Variants in GFM2 observed in about 807,000 individuals in gnomAD.
GFM2 encodes GTP dependent ribosome recycling factor mitochondrial 2, also known as ribosome-releasing factor 2, mitochondrial.
Under a neutral mutation model 95.4 loss-of-function variants are expected in GFM2, and 72 were observed. The observed-to-expected ratio is 0.76, with a 90% CI of 0.62 to 0.92. GFM2 has a LOEUF of 0.92. Ranked by LOEUF, GFM2 falls within the 40% of genes least tolerant of loss-of-function variation. The pLI, the probability that GFM2 is intolerant of heterozygous loss-of-function variation, is 0.00. For missense variants in GFM2, 825 were observed against 924.1 expected (o/e 0.89, Z 1.39); for synonymous variants, 276 against 317.5 (o/e 0.87, Z 1.39).
At chr5:74,763,891 T>C (rs1744410455) in intron 1 of GFM2, 125 bp from the exon 2 acceptor site, 2 of 517,398 alleles carry the variant, frequency 3.9e-6, no homozygotes, top group Admixed American at 3.3e-5. Flanking sequence ...GTTGGAACAA[T>C]ATTTTTAGCT....
chr5:74,744,614 C>T (rs1047870804), intron 10 of GFM2, among the ~76,000 whole-genome samples: 1 of 152,100 alleles, frequency 6.6e-6, no homozygotes, highest in Non-Finnish European at 1.5e-5. Context: ...AGGCCCAGAG[C>T]TATATACCAA....
chr5:74,738,759 T>A, intron 12 of GFM2, 117 bp from the exon 13 acceptor site: 1 of 871,666 alleles, frequency 1.1e-6, no homozygotes, highest in Non-Finnish European at 1.7e-6. Flanking sequence ...TTAGAGCCAC[T>A]AAATAATGTC....
chr5:74,745,829 T>C lies in GFM2; in HGVS notation c.698A>G (p.Lys233Arg), dbSNP rs186168413. 1.5e-5 allele frequency: 24 copies of C among 1,612,192 alleles called. No individual in the cohort carries two copies. In the East Asian group the frequency reaches 4.0e-4, roughly 27 times the overall value. The change falls in exon 10 of 21, where the codon AAA (lysine) becomes AGA (arginine). Residue 233 changes from lysine (K) to arginine (R), a missense_variant. Coordinates refer to ENST00000296805, the MANE Select transcript of GFM2 (RefSeq NM_032380.5). ...QLPIGEAKTF[K>R]GVVDVVMKEK... Reference sequence around the variant, plus strand: ...TTTCATTACTACATCCACCACTCCTTTGAAAGTTTTGGCTTCACCAATTGG... The same window carrying C: ...TTTCATTACTACATCCACCACTCCTCTGAAAGTTTTGGCTTCACCAATTGG...
At position 74,738,529 on chromosome 5, in the gene GFM2, G is replaced by A. The variant is rs1420914270; in HGVS notation, c.1193C>T (p.Ala398Val). 1 of 1,613,184 alleles carries A rather than the reference G, an allele frequency of 6.2e-7. No homozygotes were observed. The highest frequency in any genetic ancestry group is 1.7e-5 in the Admixed American group (1 of 59,878). ...GCAGTTTCCATTAATATTATGAATG[G>A]CCAACTGGGGTTTTATAGTGCCTGA... is the stretch of plus-strand genomic sequence containing the variant. ...IYSGTIKPQL[A>V]IHNINGNCTE... Residue 398 changes from alanine to valine, a missense_variant, in exon 13 of 21, where the codon GCC becomes GTC. Transcript: ENST00000296805.
intron 19 of GFM2, chr5:74,725,277 C>T (rs1443867608): frequency 3.2e-5 from 6 of 185,332 alleles, no homozygotes. Context: ...CTTTAGATTA[C>T]AGTCCATTTT....
chr5:74,764,778 GTTTTT>G (rs757160377), intron 1 of GFM2, among the ~76,000 whole-genome samples: 1,314 of 70,390 alleles, frequency 0.019, 4 homozygotes, highest in Admixed American at 0.045. Flanking sequence ...TCCCTTTGTT[GTTTTT>G]TTTTTTTTTT....
At chr5:74,737,342 C>CT (rs1356155980) in intron 14 of GFM2, among the ~76,000 whole-genome samples, 1 of 152,078 alleles carries the variant, frequency 6.6e-6, no homozygotes, top group African/African-American at 2.4e-5. Context: ...GAATTTATTC[C>CT]TTTTTTACAG....
At chr5:74,742,221 T>C (rs1045794587) in intron 10 of GFM2, among the ~76,000 whole-genome samples, 1 of 149,942 alleles carries the variant, frequency 6.7e-6, no homozygotes, top group Non-Finnish European at 1.5e-5. Context: ...TTCAAAAGCA[T>C]ATAACAGTAC....
intron 19 of GFM2, among the ~76,000 whole-genome samples, chr5:74,722,938 A>T (rs1047982020): frequency 6.6e-6 from 1 of 152,198 alleles, no homozygotes; most frequent in Non-Finnish European, 1.5e-5. Flanking sequence ...AGAGCTTAAA[A>T]AAAAGGAAAA....
rs375166290 is a variant in GFM2 at position 74,750,791 on chromosome 5, A to T, written c.431-124T>A. ...TATATATGTGTATATATATAAAGGT[A>T]TTGAAAGCAGAGTCTCAGAGCTATT... is the stretch of plus-strand genomic sequence containing the variant. On this transcript the variant is annotated intron_variant, in intron 6 of 20. Coordinates refer to ENST00000296805, the MANE Select transcript of GFM2 (RefSeq NM_032380.5). 7 of 658,606 alleles carry T rather than the reference A, an allele frequency of 1.1e-5. No homozygotes were observed. The African/African-American group carries it at 1.3e-4, about 12-fold the overall frequency. 40.8% of individuals were successfully genotyped at this position (658,606 alleles called of 1,614,324 possible).
chr5:74,747,812 T>C (rs760760010), intron 7 of GFM2, 32 bp from the exon 8 acceptor site: 51 of 1,221,154 alleles, frequency 4.2e-5, no homozygotes, highest in Non-Finnish European at 5.5e-5. Flanking sequence ...AAATACATAC[T>C]GAACAAAAGT....
chr5:74,740,601 A>G (rs956658202), intron 11 of GFM2, among the ~76,000 whole-genome samples: 1 of 152,158 alleles, frequency 6.6e-6, no homozygotes, highest in African/African-American at 2.4e-5. Flanking sequence ...GAAAGATTTC[A>G]AAAAACAAGA....
chr5:74,758,974 C>G (rs1374858460), intron 4 of GFM2, 28 bp from the exon 5 acceptor site: 1 of 1,454,650 alleles, frequency 6.9e-7, no homozygotes, highest in Non-Finnish European at 9.7e-7. Flanking sequence ...ATAAGGTAAA[C>G]TTTACTAAAA....
chr5:74,747,888 T>C (rs1309731189), intron 7 of GFM2, 108 bp from the exon 8 acceptor site: 1 of 618,694 alleles, frequency 1.6e-6, no homozygotes, highest in East Asian at 2.8e-5. Flanking sequence ...TGGGCCCTAT[T>C]CTAGCAGAGA....
At chr5:74,741,817 G>A (rs1743121889) in intron 10 of GFM2, 2 of 368,820 alleles carry the variant, frequency 5.4e-6, no homozygotes, top group Non-Finnish European at 9.8e-6. Context: ...ACTATTAGGA[G>A]TTTCCTAAAT....
At chr5:74,736,059 A>G (rs1004967332) in intron 15 of GFM2, among the ~76,000 whole-genome samples, 4 of 152,210 alleles carry the variant, frequency 2.6e-5, no homozygotes, top group Non-Finnish European at 5.9e-5. Context: ...TCCAGGAGCT[A>G]TGCACTCAGG....
chr5:74,763,115 A>C (rs1049711617), intron 2 of GFM2, among the ~76,000 whole-genome samples: 4 of 152,230 alleles, frequency 2.6e-5, no homozygotes, highest in Non-Finnish European at 4.4e-5. Flanking sequence ...GATAGTTTAG[A>C]AAATAATTTA....
At chr5:74,738,731 A>G (rs1742966236) in intron 12 of GFM2, 89 bp from the exon 13 acceptor site, 3 of 1,285,384 alleles carry the variant, frequency 2.3e-6, no homozygotes, top group Non-Finnish European at 3.2e-6. Context: ...GATCTATTTT[A>G]TCTTCTAGTA....
rs1749965347 is a variant in GFM2 at position 74,722,683 on chromosome 5, A to G, written c.2029-122T>C. The G allele has an allele frequency of 1.6e-5, 11 of 689,292 alleles. 1 individual carries two copies. The South Asian group carries it at 2.3e-4, about 15-fold the overall frequency. The allele number at this position is 689,292 out of a possible 1,614,324, so 42.7% of individuals were successfully genotyped here. ...ACTCTCTCTTTAAAGATAACGTTTTATAAGATGGCAACAACTATAATATTT... is the reference window on the plus strand; with the variant it reads ...ACTCTCTCTTTAAAGATAACGTTTTGTAAGATGGCAACAACTATAATATTT... On this transcript the variant is annotated intron_variant, in intron 19 of 20. Transcript: ENST00000296805.
Sources: allele counts gnomAD v4.1 joint callset (sites outside exome capture counted in the v4.1 genomes callset), GRCh38; gene constraint gnomAD v4.1.1; transcripts MANE v1.5; gene names NCBI Gene and HGNC (gene_info 2026-07-23, HGNC 2026-07-21).